The following SARDH variants were observed in gnomAD, a reference collection of about 807,000 sequenced individuals.
The protein encoded by SARDH is sarcosine dehydrogenase, mitochondrial.
SARDH carries 95 observed loss-of-function variants against 109.1 expected under a neutral mutation model. The observed-to-expected ratio is 0.87, with a 90% CI of 0.74 to 1.03. SARDH has a LOEUF of 1.03. Among genes scored for constraint, SARDH ranks in the 50% least tolerant of loss-of-function variants. The probability of loss-of-function intolerance (pLI) is 0.00; values close to 1 mark genes in which losing one functional copy is unlikely to be tolerated. For missense variants in SARDH, 1,267 were observed against 1,287.8 expected, an observed-to-expected ratio of 0.98 and a Z score of 0.25; for synonymous variants, 572 against 534.8, an observed-to-expected ratio of 1.07 and a Z score of -0.96.
intron 13 of SARDH, among the ~76,000 whole-genome samples, 156 bp from the exon 14 acceptor site, chr9:133,696,517 A>G (rs1831295338): frequency 6.6e-6 from 1 of 152,212 alleles, no homozygotes; most frequent in Non-Finnish European, 1.5e-5. Flanking sequence ...GCTCAGGTGC[A>G]CACTGTGACA....
intron 17 of SARDH, among the ~76,000 whole-genome samples, chr9:133,680,165 G>A (rs1038232765): frequency 1.3e-5 from 2 of 152,344 alleles, no homozygotes; most frequent in South Asian, 2.1e-4. Context: ...GGAAAGGCCC[G>A]GAAAGAATTT....
intron 10 of SARDH, among the ~76,000 whole-genome samples, chr9:133,711,994 C>T (rs992216686): frequency 6.6e-6 from 1 of 152,232 alleles, no homozygotes; most frequent in African/African-American, 2.4e-5. Flanking sequence ...AGAAGGCCAT[C>T]GGGATAGGCT....
At position 133,669,972 on chromosome 9, in the gene SARDH, T is replaced by C. The variant is rs372346451; in HGVS notation, c.2495+612A>G. ...TGCATGGGAAGAGTGTGGAGCCTTC[T>C]CTACCTCCCCACGGGCCCTGCTGGC... On this transcript the variant is annotated intron_variant, in intron 19 of 20. Coordinates refer to ENST00000439388, the MANE Select transcript of SARDH (RefSeq NM_001134707.2). Among the ~76,000 whole-genome samples the C allele has an allele frequency of 3.2e-4, 48 of 152,338 alleles. No homozygotes were observed. In the South Asian group the frequency reaches 7.0e-3, roughly 22 times the overall value.
At chr9:133,723,221 T>C (rs997614629) in intron 6 of SARDH, among the ~76,000 whole-genome samples, 16 of 152,184 alleles carry the variant, frequency 1.1e-4, no homozygotes, top group African/African-American at 3.1e-4. Flanking sequence ...AATTGATCCA[T>C]AGCTTCAACA....
intron 17 of SARDH, among the ~76,000 whole-genome samples, chr9:133,681,432 C>T (rs910333424): frequency 2.0e-5 from 3 of 152,244 alleles, no homozygotes; most frequent in Non-Finnish European, 2.9e-5. Flanking sequence ...CATGAGAACC[C>T]GTTGGCCTGG....
downstream of SARDH, among the ~76,000 whole-genome samples, chr9:133,662,505 C>G (rs1829915202): frequency 1.3e-5 from 2 of 152,178 alleles, no homozygotes; most frequent in African/African-American, 4.8e-5. The surrounding 1 kb of genome is among the most constrained non-coding windows in gnomAD (Gnocchi z 5.1). Flanking sequence ...GTTCCTTCAG[C>G]CTGAAGCGTG....
At chr9:133,715,613 T>A (rs1832091399) in intron 8 of SARDH, among the ~76,000 whole-genome samples, 1 of 152,162 alleles carries the variant, frequency 6.6e-6, no homozygotes, top group South Asian at 2.1e-4. Context: ...GGGGCTGGAC[T>A]CCTCGGTGGC....
rs187193948 is a variant in SARDH, at chr9:133,718,141, G to A, written c.1021-686C>T. Among the ~76,000 whole-genome samples the A allele has an allele frequency of 9.9e-5, 15 of 152,186 alleles. No individual in the cohort carries two copies. Among genetic ancestry groups the A allele is most frequent in the East Asian group, 1.9e-4 (1 of 5,176 alleles). On this transcript the variant is annotated intron_variant, in intron 7 of 20. Coordinates refer to ENST00000439388, the MANE Select transcript of SARDH (RefSeq NM_001134707.2). The surrounding 1 kb of genome is among the most constrained non-coding windows in gnomAD (Gnocchi z 4.2). ...GGCTGGAGTAAAGTGGTGCGATCTC[G>A]GCTCACTGCCACCTCCATCTCCCGG...
At chr9:133,717,986 C>G (rs1189944232) in intron 7 of SARDH, among the ~76,000 whole-genome samples, 1 of 152,232 alleles carries the variant, frequency 6.6e-6, no homozygotes, top group Non-Finnish European at 1.5e-5. Context: ...AAAGGATATC[C>G]TTCTGCTCCA....
intron 16 of SARDH, among the ~76,000 whole-genome samples, chr9:133,687,749 G>A (rs1830935800): frequency 6.6e-6 from 1 of 152,198 alleles, no homozygotes; most frequent in Non-Finnish European, 1.5e-5. Flanking sequence ...AGCTCACACA[G>A]CCCCTACTCC....
chr9:133,721,121 C>A (rs1336027826), intron 6 of SARDH, among the ~76,000 whole-genome samples: 1 of 152,170 alleles, frequency 6.6e-6, no homozygotes, highest in Non-Finnish European at 1.5e-5. Context: ...GTCCAAGCAA[C>A]AGCCCAAGAA....
At chr9:133,713,873 C>G (rs1341800652) in intron 8 of SARDH, among the ~76,000 whole-genome samples, 1 of 152,236 alleles carries the variant, frequency 6.6e-6, no homozygotes, top group Non-Finnish European at 1.5e-5. Flanking sequence ...CGCTCGCCAG[C>G]CTACAGACGT....
intron 6 of SARDH, chr9:133,725,771 A>C: frequency 4.4e-6 from 1 of 227,308 alleles, no homozygotes; most frequent in Non-Finnish European, 9.0e-6. Flanking sequence ...TAAACAAGCC[A>C]AACCAAACAA....
At chr9:133,739,317 TCAAATCATTGTGTTCTTATTCACA>T (rs1832985229), upstream of SARDH, among the ~76,000 whole-genome samples, 1 of 152,216 alleles carries the variant, frequency 6.6e-6, no homozygotes, top group Non-Finnish European at 1.5e-5. Context: ...TTAATACCAA[TCAAATCATTGTGTTCTTATTCACA>T]CCGAGGATGT....
chr9:133,723,788 CCTT>C (rs1042022359), intron 6 of SARDH, among the ~76,000 whole-genome samples: 5 of 152,190 alleles, frequency 3.3e-5, no homozygotes, highest in Non-Finnish European at 1.5e-5. Flanking sequence ...AATAAATAAA[CCTT>C]CTTCTTCAGA....
rs1310303453 is a variant in SARDH at position 133,730,085 on chromosome 9, G to T, written c.793C>A (p.Pro265Thr). The T allele has an allele frequency of 6.2e-7, 1 of 1,614,228 alleles. No individual in the cohort carries two copies. Among genetic ancestry groups the T allele is most frequent in the Non-Finnish European group, 8.5e-7 (1 of 1,180,044 alleles). Residue 265 changes from proline to threonine, a missense_variant, in exon 5 of 21, where the codon CCC (proline) becomes ACC (threonine). Physicochemically the swap from Pro to Thr is conservative, Grantham distance 38. Coordinates refer to ENST00000439388, the MANE Select transcript of SARDH (RefSeq NM_001134707.2). ...VETQHGSIQT[P>T]CVVNCAGVWA... ...GCACCTGCACAGTTGACCACGCAGGGTGTCTGGATGGAACCATGCTGAGTC... is the reference window on the plus strand; with the variant it reads ...GCACCTGCACAGTTGACCACGCAGGTTGTCTGGATGGAACCATGCTGAGTC...
At chr9:133,717,179 G>T in intron 8 of SARDH, 147 bp downstream of exon 8, 1 of 968,094 alleles carries the variant, frequency 1.0e-6, no homozygotes, top group South Asian at 1.6e-5. Context: ...TAGTACCCAG[G>T]GCTGCTGGAG....
Position 133,681,672 on chromosome 9 carries a change from C to G in SARDH, c.2163+3521G>C, listed in dbSNP as rs573600934. Among the ~76,000 whole-genome samples, 252 of 152,328 alleles carry G rather than the reference C, an allele frequency of 1.7e-3. 2 individuals are homozygous for G. Among genetic ancestry groups the G allele is most frequent in the Non-Finnish European group, 2.6e-3 (177 of 68,026 alleles). ...GAGGGAGAGGACGAGAAGCACAGCA[C>G]TGGGAACGGATCGTTAAGTTTAGTA... is the stretch of plus-strand genomic sequence containing the variant. On this transcript the variant is annotated intron_variant, in intron 17 of 20. Transcript: ENST00000439388.
At chr9:133,698,831 C>T (rs1184366662) in intron 13 of SARDH, among the ~76,000 whole-genome samples, 1 of 152,164 alleles carries the variant, frequency 6.6e-6, no homozygotes, top group Admixed American at 6.5e-5. Context: ...TAGAAGAAAA[C>T]ATAAATGTTT....
Sources: allele counts gnomAD v4.1 joint callset (sites outside exome capture counted in the v4.1 genomes callset), GRCh38; gene constraint gnomAD v4.1.1; non-coding constraint Gnocchi (gnomAD v3.1); transcripts MANE v1.5; gene names NCBI Gene and HGNC (gene_info 2026-07-23, HGNC 2026-07-21).